The following LRRK2 variants were observed in gnomAD, a reference collection of about 807,000 sequenced individuals.
LRRK2 encodes the protein leucine-rich repeat serine/threonine-protein kinase 2.
LRRK2 carries 203 observed loss-of-function variants against 302.6 expected under a neutral mutation model. The observed-to-expected ratio is 0.67, with a 90% CI of 0.60 to 0.75. The LOEUF (loss-of-function observed/expected upper bound fraction) is 0.75, where lower values mean the gene tolerates loss of function less well. Ranked by LOEUF, LRRK2 falls within the 30% of genes least tolerant of loss-of-function variation. LRRK2 has a pLI of 0.00. For missense variants in LRRK2, 2,830 were observed against 2,951.0 expected (o/e 0.96, Z 0.95); for synonymous variants, 1,066 against 1,031.9 (o/e 1.03, Z -0.63).
intron 20 of LRRK2, among the ~76,000 whole-genome samples, 176 bp downstream of exon 20, chr12:40,287,715 G>A (rs1943984087): frequency 6.6e-6 from 1 of 151,904 alleles, no homozygotes; most frequent in African/African-American, 2.4e-5. Context: ...TCAAGGAAGT[G>A]TGTCTCTGTG....
Position 40,351,580 on chromosome 12 carries a change from G to T in LRRK2, c.6423G>T (p.Thr2141=), listed in dbSNP as rs369306296. 6.2e-7 allele frequency: 1 copy of T among 1,614,086 alleles called. No individual in the cohort carries two copies. Among genetic ancestry groups the T allele is most frequent in the South Asian group, 1.1e-5 (1 of 91,060 alleles). The change falls in exon 44 of 51, where the codon ACG becomes ACT. Residue 2141 remains threonine, a synonymous_variant. Transcript: ENST00000298910. ...ATTCAGCTGAATTAGTCTGTCTGAC[G>T]AGACGCATTTTATTACCTAAAAACG... is the stretch of plus-strand genomic sequence containing the variant. ...ILNSAELVCL[T]RRILLPKNVI...
chr12:40,232,485 G>A, intron 3 of LRRK2, 102 bp downstream of exon 3: 2 of 824,552 alleles, frequency 2.4e-6, no homozygotes, highest in Non-Finnish European at 4.2e-6. Flanking sequence ...GGCTACTCCT[G>A]TGGAATTCTT....
intron 4 of LRRK2, 79 bp downstream of exon 4, chr12:40,235,793 G>GTTTTTTTTTTT (rs36024911): frequency 1.5e-5 from 7 of 464,442 alleles, no homozygotes; most frequent in African/African-American, 7.5e-5. Flanking sequence ...GTGTGTGTGT[G>GTTTTTTTTTTT]TTTTTTTTTT....
intron 13 of LRRK2, among the ~76,000 whole-genome samples, chr12:40,262,642 T>G (rs1005957388): frequency 4.6e-5 from 7 of 152,188 alleles, no homozygotes; most frequent in Admixed American, 4.6e-4. Context: ...ATTTGAATAG[T>G]AGGACCTCAA....
intron 18 of LRRK2, among the ~76,000 whole-genome samples, chr12:40,283,337 A>G (rs1374075295): frequency 6.6e-6 from 1 of 152,240 alleles, no homozygotes; most frequent in African/African-American, 2.4e-5. Context: ...GACAAGGTAT[A>G]TCTTTGAGGA....
intron 12 of LRRK2, among the ~76,000 whole-genome samples, chr12:40,257,777 G>A (rs908256673): frequency 6.6e-6 from 1 of 152,118 alleles, no homozygotes. Flanking sequence ...AATGAACTTT[G>A]TCTTCTCTTC....
intron 38 of LRRK2, among the ~76,000 whole-genome samples, chr12:40,327,248 A>G (rs1326626702): frequency 1.3e-5 from 2 of 152,206 alleles, no homozygotes; most frequent in Non-Finnish European, 2.9e-5. Context: ...GAGCTCTTCA[A>G]GGGTATGGAG....
At chr12:40,279,648 A>C (rs1592212195) in intron 18 of LRRK2, among the ~76,000 whole-genome samples, 1 of 152,338 alleles carries the variant, frequency 6.6e-6, no homozygotes, top group East Asian at 1.9e-4. Flanking sequence ...ACTGTACTAC[A>C]TTCCCCACAG....
chr12:40,339,119 G>A (rs1945960038), intron 40 of LRRK2, among the ~76,000 whole-genome samples: 1 of 152,112 alleles, frequency 6.6e-6, no homozygotes, highest in South Asian at 2.1e-4. Flanking sequence ...GAAAGTTCAG[G>A]GTATCGTTGC....
intron 14 of LRRK2, among the ~76,000 whole-genome samples, chr12:40,269,260 G>C (rs950671350): frequency 2.6e-5 from 4 of 152,122 alleles, no homozygotes; most frequent in African/African-American, 7.2e-5. Context: ...CAAACTAAAT[G>C]CTTACATGGT....
intron 42 of LRRK2, 111 bp from the exon 43 acceptor site, chr12:40,348,298 A>G (rs1195563931): frequency 4.0e-6 from 3 of 746,228 alleles, no homozygotes; most frequent in Non-Finnish European, 6.9e-6. Flanking sequence ...ATATAGGATT[A>G]TGGAGATAAT....
At chr12:40,283,671 A>G (rs1943799437) in intron 18 of LRRK2, among the ~76,000 whole-genome samples, 2 of 152,200 alleles carry the variant, frequency 1.3e-5, no homozygotes, top group Admixed American at 6.5e-5. Context: ...GTCATGTGGC[A>G]GATTATTCAT....
intron 10 of LRRK2, among the ~76,000 whole-genome samples, chr12:40,252,178 C>T (rs973973952): frequency 1.3e-5 from 2 of 152,154 alleles, no homozygotes; most frequent in South Asian, 2.1e-4. Flanking sequence ...ATTGATTATA[C>T]TTGTGCTATT....
At chr12:40,354,602 C>A in intron 45 of LRRK2, 110 bp downstream of exon 45, 2 of 958,648 alleles carry the variant, frequency 2.1e-6, no homozygotes, top group Non-Finnish European at 3.2e-6. Flanking sequence ...AGCCTATTTT[C>A]ATTGGTTTGC....
At position 40,294,832 on chromosome 12, in the gene LRRK2, T is replaced by G; in HGVS notation, c.2809-13T>G. The G allele has an allele frequency of 1.4e-6, 2 of 1,441,144 alleles. No homozygotes were observed. The highest frequency in any genetic ancestry group is 1.9e-6 in the Non-Finnish European group (2 of 1,030,842). 89.3% of individuals were successfully genotyped at this position (1,441,144 alleles called of 1,614,324 possible). ...AAATGACAGCAATTTTATTATAAATTATTTTTTAATAGGGGCCCATTTTTG... is the reference window on the plus strand; with the variant it reads ...AAATGACAGCAATTTTATTATAAATGATTTTTTAATAGGGGCCCATTTTTG... On this transcript the variant is annotated splice_polypyrimidine_tract_variant and intron_variant, in intron 21 of 50. Transcript: ENST00000298910.
rs769271881 is a variant in LRRK2, at chr12:40,315,268, G to T, written c.4795G>T (p.Glu1599Ter). 6.2e-6 allele frequency: 10 copies of T among 1,612,578 alleles called. No individual in the cohort carries two copies. The highest frequency in any genetic ancestry group is 3.3e-5 in the Admixed American group (2 of 59,932). ...GCAGTTAAGTGACTTGTACTTTGTG[G>T]AACCCAAGTGGCTTTGTAAAATCAT... ...ALQLSDLYFV[E>*]PKWLCKIMAQ... The change falls in exon 33 of 51, where the codon GAA (glutamate) becomes TAA (stop). Residue 1599 changes from glutamate (E) to a stop codon, truncating the protein, a stop_gained. Transcript: ENST00000298910. LOFTEE classifies it high-confidence loss of function.
intron 2 of LRRK2, among the ~76,000 whole-genome samples, chr12:40,228,433 CTTTTTT>C (rs35333613): frequency 3.6e-4 from 7 of 19,314 alleles, no homozygotes; most frequent in Admixed American, 1.9e-3. Context: ...AAAAATAAGA[CTTTTTT>C]TTTTTTTTTT....
chr12:40,287,523 T>C lies in LRRK2; in HGVS notation c.2673T>C (p.Asp891=), dbSNP rs201622949. 6.2e-7 allele frequency: 1 copy of C among 1,612,296 alleles called. No individual in the cohort carries two copies. The highest frequency in any genetic ancestry group is 1.1e-5 in the South Asian group (1 of 91,036). ...TGGACAGTGTGTTTGCTCAAAGTGA[T>C]GACCTGGATAGTGAAGGTATTTATT... ...SSMDSVFAQS[D]DLDSEGSEGS... Residue 891 remains aspartate (D), a synonymous_variant, in exon 20 of 51, where the codon GAT becomes GAC. Transcript: ENST00000298910.
intron 12 of LRRK2, among the ~76,000 whole-genome samples, chr12:40,257,618 T>C (rs555363711): frequency 1.8e-4 from 27 of 152,200 alleles, no homozygotes; most frequent in Non-Finnish European, 3.8e-4. Flanking sequence ...TGATGCTTGA[T>C]GTTGACTATA....
Sources: gnomAD v4.1 joint callset for allele counts (sites outside exome capture counted in the v4.1 genomes callset) on GRCh38, gnomAD v4.1.1 for gene constraint, MANE v1.5 for transcripts, NCBI Gene and HGNC (gene_info 2026-07-23, HGNC 2026-07-21) for gene names.